The following PTPRE variants were observed in gnomAD, a reference collection of about 807,000 sequenced individuals.
PTPRE encodes the protein protein tyrosine phosphatase receptor type E.
Under a neutral mutation model 102.0 loss-of-function variants are expected in PTPRE, and 51 were observed. The observed-to-expected ratio is 0.50, with a 90% CI of 0.40 to 0.63. PTPRE has a LOEUF of 0.63. PTPRE is among the 30% of genes least tolerant of loss of function. The pLI, the probability that PTPRE is intolerant of heterozygous loss-of-function variation, is 0.00. For synonymous variants in PTPRE, 345 were observed against 348.2 expected (o/e 0.99, Z 0.10); for missense variants, 752 against 915.1 (o/e 0.82, Z 2.30).
At chr10:128,029,480 C>T (rs908977211) in intron 2 of PTPRE, among the ~76,000 whole-genome samples, 9 of 152,110 alleles carry the variant, frequency 5.9e-5, no homozygotes, top group Non-Finnish European at 1.3e-4. Context: ...CCACCCAGGG[C>T]CTTCTCCCTG....
intron 1 of PTPRE, among the ~76,000 whole-genome samples, chr10:127,961,644 G>A (rs1421474580): frequency 6.6e-6 from 1 of 152,200 alleles, no homozygotes; most frequent in Non-Finnish European, 1.5e-5. Flanking sequence ...ACCCCCCAGC[G>A]AGAGAAAGCG....
intron 2 of PTPRE, among the ~76,000 whole-genome samples, chr10:127,982,957 C>T (rs921122225): frequency 3.9e-5 from 6 of 152,188 alleles, no homozygotes; most frequent in African/African-American, 1.4e-4. Context: ...TAAGAGCTTT[C>T]GCAGTGTCTG....
chr10:127,936,058 G>C (rs1269396614), intron 1 of PTPRE: 1 of 152,174 alleles, frequency 6.6e-6, no homozygotes, highest in African/African-American at 2.4e-5. Context: ...TTCTGCATAG[G>C]AAAAACCGTC....
chr10:127,919,209 A>G (rs1846420713), intron 1 of PTPRE, among the ~76,000 whole-genome samples: 1 of 152,152 alleles, frequency 6.6e-6, no homozygotes, highest in Non-Finnish European at 1.5e-5. Flanking sequence ...AAAAATGAAA[A>G]TTTCACTCAT....
chr10:128,036,204 G>T (rs12571952), intron 2 of PTPRE, among the ~76,000 whole-genome samples: 3,199 of 151,272 alleles, frequency 0.021, 134 homozygotes, highest in East Asian at 0.16. Flanking sequence ...TCCCTTCCTC[G>T]GGCCCTAGTG....
chr10:128,084,833 T>G lies in PTPRE; in HGVS notation c.*1927T>G. The G allele has an allele frequency of 6.0e-6, 1 of 166,018 alleles. No individual in the cohort carries two copies. The highest frequency in any genetic ancestry group is 1.3e-5 in the Non-Finnish European group (1 of 75,456). The allele number at this position is 166,018 out of a possible 1,614,324, so 10.3% of individuals were successfully genotyped here. ...ATTTCTCTGGTCATTTATTTGAGAG[T>G]TCGAAGTCAAAGTCGAGGGGCACCG... On this transcript the variant is annotated 3_prime_UTR_variant, in exon 21 of 21. Transcript: ENST00000254667.
intron 2 of PTPRE, among the ~76,000 whole-genome samples, chr10:128,014,644 AT>A (rs1404696567): frequency 6.6e-6 from 1 of 152,146 alleles, no homozygotes; most frequent in Non-Finnish European, 1.5e-5. Flanking sequence ...AAAAGGAAGC[AT>A]TTCACTTGGA....
chr10:128,071,046 T>A (rs1850724940), intron 15 of PTPRE, 145 bp downstream of exon 15: 5 of 727,188 alleles, frequency 6.9e-6, no homozygotes, highest in Non-Finnish European at 9.0e-6. Context: ...AGGGCTCCTG[T>A]GTGCTGTACC....
chr10:128,050,220 G>A (rs1013062562), intron 6 of PTPRE, among the ~76,000 whole-genome samples: 10 of 152,062 alleles, frequency 6.6e-5, no homozygotes, highest in Admixed American at 5.2e-4. Flanking sequence ...GAGGGCAGAG[G>A]GATGGATGGA....
At position 127,907,445 on chromosome 10, in the gene PTPRE, C is replaced by T. The variant is rs1041912983; in HGVS notation, c.-31+136C>T. On this transcript the variant is annotated intron_variant, in intron 1 of 20. Coordinates refer to ENST00000254667, the MANE Select transcript of PTPRE (RefSeq NM_006504.6). This position sits in a 1 kb window ranked among gnomAD's most constrained non-coding sequence, Gnocchi z 4.8. ...CGCTCCGGGGCTCAGAGTCCGGACC[C>T]CGGCCCCGCCGCCCCCGCGGCGCGC... is the stretch of plus-strand genomic sequence containing the variant. 1.5e-5 allele frequency: 9 copies of T among 601,910 alleles called. No homozygotes were observed. Among genetic ancestry groups the T allele is most frequent in the Middle Eastern group, 8.4e-4 (1 of 1,192 alleles). The allele number at this position is 601,910 out of a possible 1,614,324, so 37.3% of individuals were successfully genotyped here.
intron 2 of PTPRE, among the ~76,000 whole-genome samples, chr10:127,986,129 A>C (rs1246889262): frequency 6.6e-6 from 1 of 152,194 alleles, no homozygotes; most frequent in Non-Finnish European, 1.5e-5. Flanking sequence ...AAAATGAGTC[A>C]AGTCTTTTTT....
intron 2 of PTPRE, among the ~76,000 whole-genome samples, chr10:128,021,710 G>C (rs1480482833): frequency 2.0e-5 from 3 of 152,222 alleles, no homozygotes; most frequent in African/African-American, 7.2e-5. Flanking sequence ...GTGAGACTGT[G>C]CCCCGGAGTC....
In PTPRE at chr10:128,084,601, C is replaced by G. The variant is rs1338026417; in HGVS notation, c.*1695C>G. On this transcript the variant is annotated 3_prime_UTR_variant, in exon 21 of 21. Transcript: ENST00000254667. ...CCTGGGCTGCACACTGCTGAACGTG[C>G]TCCTCTCTCCTTCTCTGTACAATGA... is the stretch of plus-strand genomic sequence containing the variant. 1 of 152,482 alleles carries G rather than the reference C, an allele frequency of 6.6e-6. No individual in the cohort carries two copies. Among genetic ancestry groups the G allele is most frequent in the Non-Finnish European group, 1.5e-5 (1 of 68,230 alleles). The allele number at this position is 152,482 out of a possible 1,614,324, so 9.4% of individuals were successfully genotyped here.
chr10:128,062,122 G>A (rs892162334), intron 9 of PTPRE, among the ~76,000 whole-genome samples: 1 of 152,164 alleles, frequency 6.6e-6, no homozygotes, highest in Non-Finnish European at 1.5e-5. Flanking sequence ...CTTGCACAGG[G>A]CTACCTTGTG....
chr10:128,012,872 A>G (rs1007217792), intron 2 of PTPRE, among the ~76,000 whole-genome samples: 2 of 152,204 alleles, frequency 1.3e-5, no homozygotes, highest in South Asian at 2.1e-4. Flanking sequence ...CTGGTTAATT[A>G]AACAAGGCCT....
rs750346777 is a variant in PTPRE at position 128,072,089 on chromosome 10, C to T, written c.1388-49C>T. 13 of 1,527,946 alleles carry T rather than the reference C, an allele frequency of 8.5e-6. No homozygotes were observed. In the South Asian group the frequency reaches 1.4e-4, roughly 16 times the overall value. The allele number at this position is 1,527,946 out of a possible 1,614,324, so 94.6% of individuals were successfully genotyped here. The stretch of plus-strand genomic sequence containing the variant: ...GCTTGTAGCAATGGATTAAAGTTAG[C>T]AAGGTGGGACCCTTTTTGTAATAAC... On this transcript the variant is annotated intron_variant, in intron 15 of 20. Transcript: ENST00000254667.
intron 1 of PTPRE, among the ~76,000 whole-genome samples, chr10:127,912,465 A>T (rs770974917): frequency 1.3e-5 from 2 of 152,222 alleles, no homozygotes; most frequent in Non-Finnish European, 2.9e-5. Flanking sequence ...CAAAAGGGGC[A>T]GAGAAATCTT....
rs989821926 is a variant in PTPRE, at chr10:127,907,667, G to A, written c.-31+358G>A. 2.6e-5 allele frequency among the ~76,000 whole-genome samples: 4 copies of A among 152,170 alleles called. No individual in the cohort carries two copies. Among genetic ancestry groups the A allele is most frequent in the African/African-American group, 9.6e-5 (4 of 41,452 alleles). On this transcript the variant is annotated intron_variant, in intron 1 of 20. Coordinates refer to ENST00000254667, the MANE Select transcript of PTPRE (RefSeq NM_006504.6). This position sits in a 1 kb window ranked among gnomAD's most constrained non-coding sequence, Gnocchi z 4.8. ...GCGGCAGGGCGGCGTACGTGAAAGC[G>A]GGCGACACAGAGAGGGGGTGCAGGC...
chr10:127,955,870 A>G (rs1343660685), intron 1 of PTPRE, among the ~76,000 whole-genome samples: 5 of 152,152 alleles, frequency 3.3e-5, no homozygotes, highest in Non-Finnish European at 7.3e-5. Context: ...TGGTGGCAGG[A>G]AAGAGAGAGA....
Sources: allele counts gnomAD v4.1 joint callset (sites outside exome capture counted in the v4.1 genomes callset), GRCh38; gene constraint gnomAD v4.1.1; non-coding constraint Gnocchi (gnomAD v3.1); transcripts MANE v1.5; gene names NCBI Gene and HGNC (gene_info 2026-07-23, HGNC 2026-07-21).